PIEZO1: variants seen among roughly 807,000 people sequenced by gnomAD.
PIEZO1 encodes the protein piezo type mechanosensitive ion channel component 1 (Er blood group), also known as piezo-type mechanosensitive ion channel component 1.
A neutral mutation model predicts 297.2 loss-of-function variants in PIEZO1; 296 were observed. The observed-to-expected ratio is 1.00, with a 90% CI of 0.91 to 1.10. The LOEUF (loss-of-function observed/expected upper bound fraction) is 1.10. Ranked by LOEUF, PIEZO1 falls within the 50% of genes least tolerant of loss-of-function variation. PIEZO1 has a pLI of 0.00. For missense variants in PIEZO1, 5,018 were observed against 3,455.5 expected (o/e 1.45, Z -11.34); for synonymous variants, 2,427 against 1,507.5 (o/e 1.61, Z -14.13).
intron 1 of PIEZO1, among the ~76,000 whole-genome samples, chr16:88,774,671 C>G (rs1319916619): frequency 2.0e-5 from 3 of 152,222 alleles, no homozygotes; most frequent in African/African-American, 7.2e-5. Flanking sequence ...GAAGGGCCGA[C>G]CAGACAAGGA....
intron 1 of PIEZO1, among the ~76,000 whole-genome samples, chr16:88,768,304 C>T (rs562973747): frequency 1.7e-3 from 252 of 152,308 alleles, no homozygotes; most frequent in African/African-American, 5.8e-3. Context: ...GTTCCCACCA[C>T]GGCAGGCCGG....
At chr16:88,757,063 G>A (rs769871933) in intron 1 of PIEZO1, among the ~76,000 whole-genome samples, 9 of 152,132 alleles carry the variant, frequency 5.9e-5, no homozygotes, top group Non-Finnish European at 1.3e-4. Flanking sequence ...GCGACAGAGC[G>A]AGACTCCGTC....
intron 21 of PIEZO1, 24 bp downstream of exon 21, chr16:88,732,311 G>C: frequency 2.0e-6 from 3 of 1,534,236 alleles, no homozygotes; most frequent in Non-Finnish European, 2.6e-6. Flanking sequence ...CCTGCCCCAG[G>C]GGGAGGCAAT....
intron 1 of PIEZO1, among the ~76,000 whole-genome samples, chr16:88,770,414 G>A (rs183689447): frequency 8.5e-5 from 13 of 152,332 alleles, no homozygotes; most frequent in Admixed American, 7.8e-4. Context: ...TCTGTGGGGT[G>A]GGGGGACGGG....
In PIEZO1 at chr16:88,736,417, CAG is replaced by C; in HGVS notation, c.1297-11_1297-10del. On this transcript the variant is annotated splice_polypyrimidine_tract_variant and intron_variant, in intron 11 of 50. Coordinates refer to ENST00000301015, the MANE Select transcript of PIEZO1 (RefSeq NM_001142864.4). ...TAGGTGATGCTCCATACCTGCGCGGCAGAGAGGGCTGCACAGCTGCCCAGCGC... is the reference window on the plus strand; with the variant it reads ...TAGGTGATGCTCCATACCTGCGCGGCAGAGGGCTGCACAGCTGCCCAGCGC... 2 of 1,537,040 alleles carry C rather than the reference CAG, an allele frequency of 1.3e-6. No homozygotes were observed. The highest frequency in any genetic ancestry group is 1.2e-5 in the South Asian group (1 of 83,764).
intron 21 of PIEZO1, 100 bp downstream of exon 21, chr16:88,732,235 A>C: frequency 9.3e-7 from 1 of 1,073,918 alleles, no homozygotes; most frequent in Non-Finnish European, 1.4e-6. Context: ...GCCCAGGCAA[A>C]CCCAGGTGGG....
chr16:88,733,878 G>T, intron 17 of PIEZO1, 28 bp downstream of exon 17: 1 of 1,473,348 alleles, frequency 6.8e-7, no homozygotes, highest in Non-Finnish European at 9.0e-7. Context: ...AGACTGGGTG[G>T]CAGCTGTGCT....
At chr16:88,724,015 A>G (rs1392853376) in intron 30 of PIEZO1, 44 bp from the exon 31 acceptor site, 6 of 1,196,834 alleles carry the variant, frequency 5.0e-6, no homozygotes, top group Non-Finnish European at 7.3e-6. Flanking sequence ...ATGCAGGGAG[A>G]CTCCCAGCCA....
chr16:88,735,144 C>T lies in PIEZO1; in HGVS notation c.1660G>A (p.Ala554Thr). Reference protein sequence around the residue: ...SPAALTEVTVADTEPTRTQTL... With the variant: ...SPAALTEVTVTDTEPTRTQTL... ...CTGGCCCACCACTCACCTGTGTCTGCCACGGTGACCTCCGTCAGCGCAGCT... is the reference window on the plus strand; with the variant it reads ...CTGGCCCACCACTCACCTGTGTCTGTCACGGTGACCTCCGTCAGCGCAGCT... Residue 554 changes from alanine (A) to threonine (T), a missense_variant, in exon 13 of 51, where the codon GCA becomes ACA. Physicochemically the swap from Ala to Thr is moderately conservative, Grantham distance 58 (BLOSUM62 0). Transcript: ENST00000301015. 9.7e-6 allele frequency: 15 copies of T among 1,550,256 alleles called. No individual in the cohort carries two copies. The highest frequency in any genetic ancestry group is 1.3e-5 in the Non-Finnish European group (15 of 1,146,840).
At chr16:88,722,739 C>G (rs773755092) in intron 34 of PIEZO1, 50 bp from the exon 35 acceptor site, 1 of 1,528,494 alleles carries the variant, frequency 6.5e-7, no homozygotes, top group South Asian at 1.2e-5. Context: ...CTTGTCCCCA[C>G]ACGGGGTTTC....
intron 1 of PIEZO1, among the ~76,000 whole-genome samples, chr16:88,761,335 TG>T (rs1197064112): frequency 6.6e-6 from 1 of 152,120 alleles, no homozygotes; most frequent in African/African-American, 2.4e-5. Context: ...TGCTGGTGGG[TG>T]GAACAGTGGC....
At chr16:88,747,333 T>C (rs2142857710) in intron 2 of PIEZO1, among the ~76,000 whole-genome samples, 1 of 151,310 alleles carries the variant, frequency 6.6e-6, no homozygotes, top group East Asian at 2.0e-4. Context: ...CTGGCCAACA[T>C]GGTAAAACCC....
At position 88,722,319 on chromosome 16, in the gene PIEZO1, G is replaced by T; in HGVS notation, c.4854C>A (p.Arg1618=). The T allele has an allele frequency of 6.5e-7, 1 of 1,546,566 alleles. No homozygotes were observed. The highest frequency in any genetic ancestry group is 2.0e-5 in the Admixed American group (1 of 50,610). Reference sequence around the variant, plus strand: ...CGGTGACTGCCTCCTCACTGCCACTGCGCGTGTGGTAGCCGGTGCTCAGGG... The same window carrying T: ...CGGTGACTGCCTCCTCACTGCCACTTCGCGTGTGGTAGCCGGTGCTCAGGG... ...GSPLSTGYHT[R]SGSEEAVTDP... Residue 1618 remains arginine (R), a synonymous_variant, in exon 36 of 51, where the codon CGC becomes CGA. Transcript: ENST00000301015.
At chr16:88,728,209 G>C (rs1904591555) in intron 22 of PIEZO1, among the ~76,000 whole-genome samples, 1 of 152,210 alleles carries the variant, frequency 6.6e-6, no homozygotes, top group Non-Finnish European at 1.5e-5. Flanking sequence ...CTGGGGATGG[G>C]AGCGGCCGGG....
In PIEZO1 at chr16:88,721,585, C is replaced by A; in HGVS notation, c.5356G>T (p.Asp1786Tyr). The A allele has an allele frequency of 3.2e-6, 5 of 1,550,224 alleles. No individual in the cohort carries two copies. In the South Asian group the frequency reaches 3.6e-5, roughly 11 times the overall value. Residue 1786 changes from aspartate to tyrosine, a missense_variant, in exon 38 of 51, where the codon GAC becomes TAC. By Grantham distance (160) the Asp-to-Tyr change is radical. Coordinates refer to ENST00000301015, the MANE Select transcript of PIEZO1 (RefSeq NM_001142864.4). ...AAAAGGGCCATGAGCTGCACCAGGT[C>A]GTACTTGATGTAGCCGTCAGTCTTC... ...LEKTDGYIKYDLVQLMALFFH... is the reference protein window; with the variant it reads ...LEKTDGYIKYYLVQLMALFFH...
intron 36 of PIEZO1, 68 bp from the exon 37 acceptor site, chr16:88,722,134 C>G: frequency 6.6e-7 from 1 of 1,521,726 alleles, no homozygotes; most frequent in Non-Finnish European, 8.8e-7. Context: ...CGATCTGTTG[C>G]CGGTCACAGT....
chr16:88,717,597 C>T (rs556343525), intron 44 of PIEZO1: 49 of 467,166 alleles, frequency 1.0e-4, no homozygotes, highest in Admixed American at 9.6e-4. Flanking sequence ...TAGAAGAAAA[C>T]GGGCAAATCT....
At chr16:88,757,321 GGGGGGT>G (rs201430042) in intron 1 of PIEZO1, among the ~76,000 whole-genome samples, 19,046 of 122,582 alleles carry the variant, frequency 0.16, 2,488 homozygotes, top group Middle Eastern at 0.2. Context: ...GTTGCTGGCG[GGGGGGT>G]GGGGGGTAGT....
chr16:88,726,636 G>C lies in PIEZO1; in HGVS notation c.3707C>G (p.Ala1236Gly). The C allele has an allele frequency of 6.5e-7, 1 of 1,529,724 alleles. No homozygotes were observed. Among genetic ancestry groups the C allele is most frequent in the Non-Finnish European group, 8.8e-7 (1 of 1,137,550 alleles). 94.8% of individuals were successfully genotyped at this position (1,529,724 alleles called of 1,614,324 possible). ...CTGCATCTGCTCCACGAAGACGCAG[G>C]CCAGGAGCTGGGGGAGAGCAGGGTC... ...IISKNMLSLL[A>G]CVFVEQMQTG... The change falls in exon 26 of 51, where the codon GCC becomes GGC. Residue 1236 changes from alanine (A) to glycine (G), a missense_variant. By Grantham distance (60) the Ala-to-Gly change is moderately conservative (BLOSUM62 0). Transcript: ENST00000301015.
Sources: allele counts gnomAD v4.1 joint callset (sites outside exome capture counted in the v4.1 genomes callset), GRCh38; gene constraint gnomAD v4.1.1; transcripts MANE v1.5; gene names NCBI Gene and HGNC (gene_info 2026-07-23, HGNC 2026-07-21).